The following PRELID2 variants were observed in gnomAD, a reference collection of about 807,000 sequenced individuals.
PRELID2 encodes PRELI domain-containing protein 2.
A neutral mutation model predicts 28.4 loss-of-function variants in PRELID2; 25 were observed. That is an observed-to-expected ratio of 0.88 (90% CI 0.64 to 1.23). PRELID2 has a LOEUF of 1.23. Ranked by LOEUF, PRELID2 falls within the 50% of genes most tolerant of loss-of-function variation. PRELID2 has a pLI of 0.00. For missense variants in PRELID2, 201 were observed against 214.4 expected (o/e 0.94, Z 0.39); for synonymous variants, 76 against 71.6 (o/e 1.06, Z -0.31).
chr5:145,293,630 G>A, the PRELID2 span, among the ~76,000 whole-genome samples: 1 of 152,176 alleles, frequency 6.6e-6, no homozygotes, highest in Non-Finnish European at 1.5e-5. Flanking sequence ...AATATGCGTA[G>A]ATATTAAGGT....
chr5:145,304,024 T>A, the PRELID2 span, among the ~76,000 whole-genome samples: 1 of 152,228 alleles, frequency 6.6e-6, no homozygotes, highest in African/African-American at 2.4e-5. Context: ...CTTGGAAATA[T>A]GCAGGTGAAG....
the PRELID2 span, among the ~76,000 whole-genome samples, chr5:145,353,729 A>C: frequency 3.9e-4 from 60 of 152,272 alleles, no homozygotes; most frequent in South Asian, 0.012. Context: ...AACTGCCTCC[A>C]TGATTCAATT....
chr5:145,259,036 C>A, the PRELID2 span, among the ~76,000 whole-genome samples: 1 of 152,192 alleles, frequency 6.6e-6, no homozygotes, highest in Non-Finnish European at 1.5e-5. Context: ...CAGGCCACTG[C>A]TTCAGAAAGT....
At chr5:145,463,342 G>GTTTTTTTTTTTTTTTTTTAT in the PRELID2 span, among the ~76,000 whole-genome samples, 1 of 135,812 alleles carries the variant, frequency 7.4e-6, no homozygotes, top group Non-Finnish European at 1.6e-5. Context: ...CCTATTTGAA[G>GTTTTTTTTTTTTTTTTTTAT]TTTTTTTTTT....
At chr5:145,779,069 C>T (rs560013249) in intron 5 of PRELID2, among the ~76,000 whole-genome samples, 20 of 152,200 alleles carry the variant, frequency 1.3e-4, no homozygotes, top group South Asian at 4.1e-4. Flanking sequence ...ATATAGAAAG[C>T]GCCTCTGTTT....
At chr5:145,588,078 C>T (rs1753178027) in intron 1 of PRELID2, among the ~76,000 whole-genome samples, 1 of 152,130 alleles carries the variant, frequency 6.6e-6, no homozygotes, top group South Asian at 2.1e-4. Flanking sequence ...TTCCAGCAGC[C>T]CCACTGATGT....
chr5:145,808,541 G>A (rs1165739327), intron 4 of PRELID2, among the ~76,000 whole-genome samples: 2 of 152,158 alleles, frequency 1.3e-5, no homozygotes, highest in African/African-American at 2.4e-5. Flanking sequence ...CTATTAGAGA[G>A]TGAAGAATAT....
At chr5:145,533,345 A>G (rs1057325800) in intron 1 of PRELID2, among the ~76,000 whole-genome samples, 1 of 152,058 alleles carries the variant, frequency 6.6e-6, no homozygotes, top group Non-Finnish European at 1.5e-5. Flanking sequence ...TATACCGTAC[A>G]TTTAGGTTCA....
At chr5:145,645,338 C>CTTTT (rs35732947) in intron 1 of PRELID2, among the ~76,000 whole-genome samples, 27 of 47,846 alleles carry the variant, frequency 5.6e-4, no homozygotes, top group Non-Finnish European at 7.3e-4. Context: ...GCAACTCCTG[C>CTTTT]TTTTTTTTTT....
chr5:145,814,702 GAAT>G (rs912980866), intron 4 of PRELID2, among the ~76,000 whole-genome samples: 7 of 151,232 alleles, frequency 4.6e-5, no homozygotes, highest in East Asian at 1.9e-4. Context: ...AAACCACACA[GAAT>G]AATAACAAAA....
intron 1 of PRELID2, among the ~76,000 whole-genome samples, chr5:145,826,710 T>G (rs573139655): frequency 1.8e-4 from 27 of 152,032 alleles, no homozygotes; most frequent in Non-Finnish European, 3.7e-4. Context: ...AACTCCATAA[T>G]ATTGGGGGGG....
chr5:145,566,143 T>C (rs1202806437), intron 1 of PRELID2, among the ~76,000 whole-genome samples: 1 of 152,242 alleles, frequency 6.6e-6, no homozygotes, highest in Non-Finnish European at 1.5e-5. Flanking sequence ...AGAAGTGTTC[T>C]TGCAATGGTG....
At chr5:145,544,127 A>T (rs1752766757) in intron 1 of PRELID2, among the ~76,000 whole-genome samples, 1 of 152,084 alleles carries the variant, frequency 6.6e-6, no homozygotes, top group South Asian at 2.1e-4. Flanking sequence ...CAAAAGTCAC[A>T]CAGTTGTAGG....
chr5:145,825,165 G>C (rs1385853318), intron 1 of PRELID2, among the ~76,000 whole-genome samples: 2 of 137,622 alleles, frequency 1.5e-5, no homozygotes, highest in Non-Finnish European at 3.1e-5. Flanking sequence ...GGCGGAGGTT[G>C]CAGTGAGCCG....
the PRELID2 span, among the ~76,000 whole-genome samples, chr5:145,286,712 G>GTTTTTTTTTT: frequency 9.2e-6 from 1 of 108,364 alleles, no homozygotes. Flanking sequence ...GTTTTTTTTT[G>GTTTTTTTTTT]TTTGTTTGTT....
At chr5:145,568,519 A>G (rs1420504120) in intron 1 of PRELID2, among the ~76,000 whole-genome samples, 2 of 152,244 alleles carry the variant, frequency 1.3e-5, no homozygotes, top group African/African-American at 2.4e-5. Flanking sequence ...CAAGGACTAT[A>G]TTATGATAAT....
At chr5:145,669,027 C>T (rs1365184174) in intron 1 of PRELID2, among the ~76,000 whole-genome samples, 1 of 152,064 alleles carries the variant, frequency 6.6e-6, no homozygotes, top group East Asian at 1.9e-4. Context: ...CAGAAACTTT[C>T]CTCAGACACA....
At chr5:145,358,974 A>G in the PRELID2 span, among the ~76,000 whole-genome samples, 1 of 152,174 alleles carries the variant, frequency 6.6e-6, no homozygotes, top group Non-Finnish European at 1.5e-5. Flanking sequence ...ATAATTTATA[A>G]TGAGGACTCT....
chr5:145,713,478 C>CTA lies in PRELID2; in HGVS notation n.70+51451_70+51452dup, dbSNP rs533846178. ...TATACTTTATATATATATACACACA[C>CTA]TATATATATATACTATATATGTATG... On this transcript the variant is annotated intron_variant and non_coding_transcript_variant, in intron 1 of 2. Transcript: ENST00000510259. Among the ~76,000 whole-genome samples the CTA allele has an allele frequency of 1.4e-3, 206 of 142,438 alleles. 1 individual carries two copies. The highest frequency in any genetic ancestry group is 0.012 in the South Asian group (56 of 4,566). 93.4% of individuals were successfully genotyped at this position (142,438 alleles called of 152,430 possible). A position where few individuals can be genotyped will look rare whatever the true frequency, so the allele number is the denominator to read the frequency against.
Sources: allele counts gnomAD v4.1 joint callset (sites outside exome capture counted in the v4.1 genomes callset), GRCh38; gene constraint gnomAD v4.1.1; transcripts MANE v1.5; gene names NCBI Gene and HGNC (gene_info 2026-07-23, HGNC 2026-07-21).